The following AFM variants were observed in gnomAD, a reference collection of about 807,000 sequenced individuals.
The protein encoded by AFM is alpha-Alb.
AFM carries 82 observed loss-of-function variants against 68.7 expected under a neutral mutation model. The observed-to-expected ratio is 1.19, with a 90% CI of 1.00 to 1.43. AFM has a LOEUF of 1.43. Ranked by LOEUF, AFM falls within the 40% of genes most tolerant of loss-of-function variation. The probability of loss-of-function intolerance (pLI) is 0.00; values close to 1 mark genes in which losing one functional copy is unlikely to be tolerated. For missense variants in AFM, 772 were observed against 701.8 expected (o/e 1.10, Z -1.13); for synonymous variants, 250 against 234.2 (o/e 1.07, Z -0.61).
intron 8 of AFM, among the ~76,000 whole-genome samples, 183 bp downstream of exon 8, chr4:73,492,269 A>G (rs1482893053): frequency 6.6e-6 from 1 of 152,208 alleles, no homozygotes; most frequent in Admixed American, 6.5e-5. Context: ...AATCAACTGT[A>G]TTATTAAAAT....
rs904059964 is a variant in AFM at position 73,487,867 on chromosome 4, C to T, written c.713+46C>T. 4 of 1,325,364 alleles carry T rather than the reference C, an allele frequency of 3.0e-6. 1 individual carries two copies. The highest frequency in any genetic ancestry group is 4.3e-6 in the Non-Finnish European group (4 of 924,230). 82.1% of individuals were successfully genotyped at this position (1,325,364 alleles called of 1,614,324 possible). On this transcript the variant is annotated intron_variant, in intron 6 of 14. Coordinates refer to ENST00000226355, the MANE Select transcript of AFM (RefSeq NM_001133.2). ...CTTGTCTCTGCTTGCATTTCCTTGT[C>T]TGTGTCCCATTTTTGTTAAATGGTT...
At chr4:73,494,767 T>A (rs1036839160) in intron 8 of AFM, among the ~76,000 whole-genome samples, 3 of 152,170 alleles carry the variant, frequency 2.0e-5, no homozygotes, top group East Asian at 1.9e-4. Flanking sequence ...GCTCTTGAAG[T>A]CCTTGACAGA....
In AFM at chr4:73,493,759, C is replaced by T. The variant is rs115228115; in HGVS notation, c.1059-1541C>T. ...CTAGTCTTATAACTACTGTCCTCTA[C>T]GGCTTCTCATGGTTGTGGATATTAA... On this transcript the variant is annotated intron_variant, in intron 8 of 14. Transcript: ENST00000226355. 9.3e-3 allele frequency among the ~76,000 whole-genome samples: 1,418 copies of T among 152,304 alleles called. 14 individuals are homozygous for T. Among genetic ancestry groups the T allele is most frequent in the African/African-American group, 0.03 (1,263 of 41,558 alleles).
At chr4:73,500,549 T>G (rs1577981881) in intron 12 of AFM, among the ~76,000 whole-genome samples, 1 of 152,152 alleles carries the variant, frequency 6.6e-6, no homozygotes, top group African/African-American at 2.4e-5. Flanking sequence ...GCCCGGAGAA[T>G]ATCATTTAGT....
At chr4:73,497,056 G>T (rs1352338975) in intron 9 of AFM, among the ~76,000 whole-genome samples, 1 of 152,136 alleles carries the variant, frequency 6.6e-6, no homozygotes. Context: ...GATACAATTT[G>T]CTCCACAATA....
intron 10 of AFM, among the ~76,000 whole-genome samples, chr4:73,498,123 C>T (rs1027584951): frequency 1.2e-4 from 18 of 152,080 alleles, no homozygotes; most frequent in Non-Finnish European, 2.1e-4. Context: ...CCTTGCCTTA[C>T]GGCTATCTTA....
Position 73,491,883 on chromosome 4 carries a change from G to T in AFM, c.855G>T (p.Met285Ile). 6.2e-7 allele frequency: 1 copy of T among 1,613,134 alleles called. No homozygotes were observed. The highest frequency in any genetic ancestry group is 8.5e-7 in the Non-Finnish European group (1 of 1,179,518). Reference sequence around the variant, plus strand: ...CTTATTTGGTACAGAGCAAGGTTATGAACCATATTTGTTCAAAACAAGATT... The same window carrying T: ...CTTATTTGGTACAGAGCAAGGTTATTAACCATATTTGTTCAAAACAAGATT... ...VQCIRDTSKV[M>I]NHICSKQDSI... is the part of the protein sequence containing the mutation. Residue 285 changes from methionine to isoleucine, a missense_variant, in exon 8 of 15, where the codon ATG becomes ATT. Transcript: ENST00000226355.
intron 5 of AFM, 75 bp downstream of exon 5, chr4:73,487,174 A>G: frequency 1.3e-6 from 2 of 1,500,868 alleles, no homozygotes; most frequent in Non-Finnish European, 1.8e-6. Context: ...GACTTATATT[A>G]TAGCAAAAGG....
chr4:73,497,754 G>C lies in AFM; in HGVS notation c.1289+5G>C. 2 of 1,568,212 alleles carry C rather than the reference G, an allele frequency of 1.3e-6. No homozygotes were observed. Among genetic ancestry groups the C allele is most frequent in the Non-Finnish European group, 1.7e-6 (2 of 1,144,560 alleles). ...GAAGGATGGTTTGAAATACCAGTAT[G>C]TTGTTTGCACAAGTGGGCTAACACT... is the stretch of plus-strand genomic sequence containing the variant. On this transcript the variant is annotated splice_donor_5th_base_variant and intron_variant, in intron 10 of 14. Transcript: ENST00000226355.
chr4:73,499,623 A>G (rs1210459004), intron 11 of AFM, among the ~76,000 whole-genome samples: 1 of 152,156 alleles, frequency 6.6e-6, no homozygotes, highest in African/African-American at 2.4e-5. Context: ...CAGGCATTGA[A>G]TACATCTCTT....
intron 8 of AFM, among the ~76,000 whole-genome samples, chr4:73,493,683 A>G (rs1721165092): frequency 6.6e-6 from 1 of 152,214 alleles, no homozygotes. Context: ...ACCCGAAGTC[A>G]CACATGTGGT....
At chr4:73,486,810 A>C (rs1178310451) in intron 4 of AFM, among the ~76,000 whole-genome samples, 157 bp from the exon 5 acceptor site, 1 of 151,996 alleles carries the variant, frequency 6.6e-6, no homozygotes, top group Non-Finnish European at 1.5e-5. Context: ...TCTTCCTTTT[A>C]CCTTGTTTTA....
chr4:73,499,635 AGGGCT>A (rs1378125917), intron 11 of AFM, among the ~76,000 whole-genome samples: 1 of 152,116 alleles, frequency 6.6e-6, no homozygotes, highest in Non-Finnish European at 1.5e-5. Flanking sequence ...ACATCTCTTT[AGGGCT>A]GGGGTGGAGA....
intron 7 of AFM, among the ~76,000 whole-genome samples, chr4:73,491,395 T>C (rs1213761356): frequency 6.6e-6 from 1 of 152,230 alleles, no homozygotes; most frequent in Non-Finnish European, 1.5e-5. Flanking sequence ...GTAGTTGCTG[T>C]AGTTCACTCA....
chr4:73,497,019 C>T (rs921032829), intron 9 of AFM, among the ~76,000 whole-genome samples: 12 of 152,164 alleles, frequency 7.9e-5, no homozygotes, highest in Admixed American at 2.0e-4. Context: ...TTAATCATAG[C>T]GCTAGAAAAT....
In AFM at chr4:73,495,333, C is replaced by A. The variant is rs1231917657; in HGVS notation, c.1092C>A (p.Asp364Glu). 1 of 1,608,328 alleles carries A rather than the reference C, an allele frequency of 6.2e-7. No homozygotes were observed. Among genetic ancestry groups the A allele is most frequent in the Non-Finnish European group, 8.5e-7 (1 of 1,178,628 alleles). The change falls in exon 9 of 15, where the codon GAC (aspartate) becomes GAA (glutamate). Residue 364 changes from aspartate to glutamate, a missense_variant. Coordinates refer to ENST00000226355, the MANE Select transcript of AFM (RefSeq NM_001133.2). The stretch of plus-strand genomic sequence containing the variant: ...TTGAATACTCAAGGAGACATCCAGA[C>A]CTGTCTATACCAGAGCTTTTAAGAA... Reference protein sequence around the residue: ...FTFEYSRRHPDLSIPELLRIV... With the variant: ...FTFEYSRRHPELSIPELLRIV...
intron 8 of AFM, among the ~76,000 whole-genome samples, chr4:73,493,277 T>C (rs956595970): frequency 2.0e-5 from 3 of 152,184 alleles, no homozygotes; most frequent in African/African-American, 7.2e-5. Flanking sequence ...AAGGACAAAT[T>C]CACTTTCAGT....
At chr4:73,493,654 C>G (rs1475923672) in intron 8 of AFM, among the ~76,000 whole-genome samples, 1 of 152,116 alleles carries the variant, frequency 6.6e-6, no homozygotes, top group Non-Finnish European at 1.5e-5. Context: ...AAAACAGGCA[C>G]AGAGAGGTTA....
chr4:73,492,229 G>T, intron 8 of AFM, 143 bp downstream of exon 8: 4 of 696,902 alleles, frequency 5.7e-6, no homozygotes, highest in Non-Finnish European at 9.5e-6. Context: ...CATGGCTATA[G>T]AGTGTAGTTT....
Sources: allele counts gnomAD v4.1 joint callset (sites outside exome capture counted in the v4.1 genomes callset), GRCh38; gene constraint gnomAD v4.1.1; transcripts MANE v1.5; gene names NCBI Gene and HGNC (gene_info 2026-07-23, HGNC 2026-07-21).